PROKR1: variants seen among roughly 807,000 people sequenced by gnomAD.
PROKR1 encodes the protein G protein-coupled receptor 73.
A neutral mutation model predicts 22.8 loss-of-function variants in PROKR1; 21 were observed. That is an observed-to-expected ratio of 0.92 (90% CI 0.65 to 1.32). The LOEUF (loss-of-function observed/expected upper bound fraction) is 1.32. PROKR1 is among the 40% of genes most tolerant of loss of function. The pLI, the probability that PROKR1 is intolerant of heterozygous loss-of-function variation, is 0.00. For missense variants in PROKR1, 548 were observed against 514.2 expected (o/e 1.07, Z -0.64); for synonymous variants, 193 against 207.5 (o/e 0.93, Z 0.60).
chr2:68,652,014 G>C (rs886832579), intron 2 of PROKR1, among the ~76,000 whole-genome samples: 1 of 152,206 alleles, frequency 6.6e-6, no homozygotes, highest in Non-Finnish European at 1.5e-5. Flanking sequence ...GAGAAGGGCT[G>C]CTGGGATGCC....
rs1364910852 is a variant in PROKR1 at position 68,647,966 on chromosome 2, A to T, written c.485+1660A>T. Among the ~76,000 whole-genome samples the T allele has an allele frequency of 2.0e-5, 3 of 152,198 alleles. No individual in the cohort carries two copies. In the East Asian group the frequency reaches 5.8e-4, roughly 29 times the overall value. ...TATCTACTTCGTAGGTTCCTTTCAA[A>T]GCTGCCAAGGAAGAGCTCCAGGGAC... On this transcript the variant is annotated intron_variant, in intron 2 of 2. Coordinates refer to ENST00000303786, the MANE Select transcript of PROKR1 (RefSeq NM_138964.4).
In PROKR1 at chr2:68,646,273, C is replaced by A. The variant is rs1395874673; in HGVS notation, c.452C>A (p.Ser151Tyr). The A allele has an allele frequency of 1.2e-6, 2 of 1,614,124 alleles. No individual in the cohort carries two copies. Among genetic ancestry groups the A allele is most frequent in the Non-Finnish European group, 1.7e-6 (2 of 1,180,056 alleles). The change falls in exon 2 of 3, where the codon TCC (serine) becomes TAC (tyrosine). Residue 151 changes from serine (S) to tyrosine (Y), a missense_variant. Coordinates refer to ENST00000303786, the MANE Select transcript of PROKR1 (RefSeq NM_138964.4). ...CTGCGCACTGTCTCTCTCTATGTCT[C>A]CACCAATGCCCTGCTGGCCATCGCC... ...NYLRTVSLYV[S>Y]TNALLAIAID...
chr2:68,657,252 T>C lies in PROKR1; in HGVS notation c.*1676T>C, dbSNP rs979634607. 5.9e-5 allele frequency: 9 copies of C among 152,206 alleles called. No homozygotes were observed. The highest frequency in any genetic ancestry group is 2.2e-4 in the African/African-American group (9 of 41,438). The allele number at this position is 152,206 out of a possible 1,614,324, so 9.4% of individuals were successfully genotyped here. ...TCAACCACACAAGTTATCAAAAGGA[T>C]GGGCTAGGAACTACGTGTAGTGCGC... On this transcript the variant is annotated 3_prime_UTR_variant, in exon 3 of 3. Coordinates refer to ENST00000303786, the MANE Select transcript of PROKR1 (RefSeq NM_138964.4).
chr2:68,646,006 A>C lies in PROKR1; in HGVS notation c.185A>C (p.Lys62Thr), dbSNP rs749934385. ...VTNSRTFFAAKIVIGMALVGI... is the reference protein window; with the variant it reads ...VTNSRTFFAATIVIGMALVGI... ...AATTCCAGGACGTTCTTTGCTGCCA[A>C]GATTGTCATTGGGATGGCCCTGGTG... The change falls in exon 2 of 3, where the codon AAG (lysine) becomes ACG (threonine). Residue 62 changes from lysine to threonine, a missense_variant. Transcript: ENST00000303786. 2 of 1,614,122 alleles carry C rather than the reference A, an allele frequency of 1.2e-6. No homozygotes were observed. Among genetic ancestry groups the C allele is most frequent in the African/African-American group, 2.7e-5 (2 of 74,932 alleles).
intron 2 of PROKR1, among the ~76,000 whole-genome samples, chr2:68,653,055 G>A (rs1673369080): frequency 1.3e-5 from 2 of 152,334 alleles, no homozygotes; most frequent in South Asian, 4.1e-4. Context: ...TAGACAGACA[G>A]CAATGGAGCC....
At position 68,655,466 on chromosome 2, in the gene PROKR1, T is replaced by C. The variant is rs753200038; in HGVS notation, c.1072T>C (p.Leu358=). ...CGTCAAGTACTTCAAAAAGATCATG[T>C]TGCTCCACTGGAAGGCTTCTTACAA... ...DTVKYFKKIM[L]LHWKASYNGG... is the part of the protein sequence containing the mutation. The change falls in exon 3 of 3, where the codon TTG becomes CTG. Residue 358 remains leucine (L), a synonymous_variant. Coordinates refer to ENST00000303786, the MANE Select transcript of PROKR1 (RefSeq NM_138964.4). 4 of 1,614,140 alleles carry C rather than the reference T, an allele frequency of 2.5e-6. No homozygotes were observed. Among genetic ancestry groups the C allele is most frequent in the Admixed American group, 3.3e-5 (2 of 60,010 alleles).
intron 2 of PROKR1, among the ~76,000 whole-genome samples, chr2:68,653,944 T>C (rs918053137): frequency 6.6e-6 from 1 of 152,130 alleles, no homozygotes; most frequent in Non-Finnish European, 1.5e-5. Context: ...ATCAATCCTG[T>C]GAGGTAGGGT....
chr2:68,649,508 A>C (rs1436254220), intron 2 of PROKR1: 1 of 152,224 alleles, frequency 6.6e-6, no homozygotes, highest in African/African-American at 2.4e-5. Flanking sequence ...TATTGCAAGC[A>C]CTGGAGATAC....
At position 68,655,711 on chromosome 2, in the gene PROKR1, T is replaced by C. The variant is rs1238759930; in HGVS notation, c.*135T>C. The C allele has an allele frequency of 1.2e-6, 1 of 837,120 alleles. No individual in the cohort carries two copies. The highest frequency in any genetic ancestry group is 1.7e-5 in the African/African-American group (1 of 59,008). The allele number at this position is 837,120 out of a possible 1,614,324, so 51.9% of individuals were successfully genotyped here. Reference sequence around the variant, plus strand: ...TAAATGGACCACTCTGTGAGCAATGTTTTCAAGGAGCTCAGAGTTTCTAAA... The same window carrying C: ...TAAATGGACCACTCTGTGAGCAATGCTTTCAAGGAGCTCAGAGTTTCTAAA... On this transcript the variant is annotated 3_prime_UTR_variant, in exon 3 of 3. Coordinates refer to ENST00000303786, the MANE Select transcript of PROKR1 (RefSeq NM_138964.4).
rs1673485851 is a variant in PROKR1 at position 68,657,074 on chromosome 2, C to T, written c.*1498C>T. The T allele has an allele frequency of 6.6e-6, 1 of 152,258 alleles. No homozygotes were observed. The highest frequency in any genetic ancestry group is 6.5e-5 in the Admixed American group (1 of 15,290). 9.4% of individuals were successfully genotyped at this position (152,258 alleles called of 1,614,324 possible). Reference sequence around the variant, plus strand: ...GGAGTTGGAAGATCTGAGAGCCAGACTTGACTCTGTCAACTGTGTAGCCCT... The same window carrying T: ...GGAGTTGGAAGATCTGAGAGCCAGATTTGACTCTGTCAACTGTGTAGCCCT... On this transcript the variant is annotated 3_prime_UTR_variant, in exon 3 of 3. Transcript: ENST00000303786.
intron 2 of PROKR1, among the ~76,000 whole-genome samples, chr2:68,646,608 AAGAGGAGATATC>A (rs1287717556): frequency 6.6e-6 from 1 of 152,214 alleles, no homozygotes; most frequent in Non-Finnish European, 1.5e-5. Context: ...GTAGACAGGT[AAGAGGAGATATC>A]GAGGGAAACT....
At chr2:68,652,827 T>C (rs908623095) in intron 2 of PROKR1, among the ~76,000 whole-genome samples, 17 of 152,188 alleles carry the variant, frequency 1.1e-4, no homozygotes, top group African/African-American at 3.6e-4. Flanking sequence ...ATAGAGCAAC[T>C]TTCTGGCAAA....
At chr2:68,651,467 G>A (rs1164477958) in intron 2 of PROKR1, among the ~76,000 whole-genome samples, 2 of 152,222 alleles carry the variant, frequency 1.3e-5, no homozygotes, top group African/African-American at 2.4e-5. Context: ...ATCCCACAGC[G>A]TGTGGGGGCT....
chr2:68,646,086 C>T lies in PROKR1; in HGVS notation c.265C>T (p.Arg89Cys), dbSNP rs61742478. 4.4e-5 allele frequency: 71 copies of T among 1,613,870 alleles called. No individual in the cohort carries two copies. The highest frequency in any genetic ancestry group is 3.7e-4 in the Admixed American group (22 of 60,002). ...CTTCATCTTTATCGCTGCCCTGGTCCGCTACAAGAAACTGCGCAACCTCAC... is the reference window on the plus strand; with the variant it reads ...CTTCATCTTTATCGCTGCCCTGGTCTGCTACAAGAAACTGCGCAACCTCAC... Reference protein sequence around the residue: ...GNFIFIAALVRYKKLRNLTNL... With the variant: ...GNFIFIAALVCYKKLRNLTNL... The change falls in exon 2 of 3, where the codon CGC becomes TGC. Residue 89 changes from arginine to cysteine, a missense_variant. Coordinates refer to ENST00000303786, the MANE Select transcript of PROKR1 (RefSeq NM_138964.4).
chr2:68,653,266 C>A (rs1303289325), intron 2 of PROKR1, among the ~76,000 whole-genome samples: 2 of 152,120 alleles, frequency 1.3e-5, no homozygotes, highest in Non-Finnish European at 2.9e-5. Context: ...GGATGGCAGT[C>A]GGCCGGGCGT....
At chr2:68,654,818 A>AG in intron 2 of PROKR1, 62 bp from the exon 3 acceptor site, 1 of 1,494,428 alleles carries the variant, frequency 6.7e-7, no homozygotes, top group Non-Finnish European at 9.2e-7. Flanking sequence ...AAAAAAAAAA[A>AG]AAAAAGATTA....
rs866673060 is a variant in PROKR1 at position 68,646,257 on chromosome 2, G to C, written c.436G>C (p.Val146Leu). The C allele has an allele frequency of 1.9e-6, 3 of 1,614,072 alleles. No individual in the cohort carries two copies. Among genetic ancestry groups the C allele is most frequent in the Non-Finnish European group, 1.7e-6 (2 of 1,180,038 alleles). The change falls in exon 2 of 3, where the codon GTC becomes CTC. Residue 146 changes from valine to leucine, a missense_variant. Physicochemically the swap from Val to Leu is conservative, Grantham distance 32 (BLOSUM62 1). Transcript: ENST00000303786. The part of the protein sequence containing the change: ...LCTSVNYLRT[V>L]SLYVSTNALL... ...CACCTCTGTCAACTACCTGCGCACTGTCTCTCTCTATGTCTCCACCAATGC... is the reference window on the plus strand; with the variant it reads ...CACCTCTGTCAACTACCTGCGCACTCTCTCTCTCTATGTCTCCACCAATGC...
At position 68,646,247 on chromosome 2, in the gene PROKR1, C is replaced by A; in HGVS notation, c.426C>A (p.Tyr142Ter). The change falls in exon 2 of 3, where the codon TAC (tyrosine) becomes TAA (stop). Residue 142 changes from tyrosine (Y) to a stop codon, truncating the protein, a stop_gained. Coordinates refer to ENST00000303786, the MANE Select transcript of PROKR1 (RefSeq NM_138964.4). LOFTEE classifies it high-confidence loss of function. ...HGHVLCTSVN[Y>*]LRTVSLYVST... ...ACGTCCTGTGCACCTCTGTCAACTA[C>A]CTGCGCACTGTCTCTCTCTATGTCT... 1 of 1,614,148 alleles carries A rather than the reference C, an allele frequency of 6.2e-7. No homozygotes were observed. Among genetic ancestry groups the A allele is most frequent in the Non-Finnish European group, 8.5e-7 (1 of 1,179,990 alleles).
chr2:68,645,916 C>G lies in PROKR1; in HGVS notation c.95C>G (p.Ser32Cys). The G allele has an allele frequency of 6.2e-7, 1 of 1,614,228 alleles. No individual in the cohort carries two copies. The highest frequency in any genetic ancestry group is 8.5e-7 in the Non-Finnish European group (1 of 1,180,036). The change falls in exon 2 of 3, where the codon TCC (serine) becomes TGC (cysteine). Residue 32 changes from serine to cysteine, a missense_variant. Coordinates refer to ENST00000303786, the MANE Select transcript of PROKR1 (RefSeq NM_138964.4). ...VLNPHGAHATSFPFNFSYSDY... is the reference protein window; with the variant it reads ...VLNPHGAHATCFPFNFSYSDY... Reference sequence around the variant, plus strand: ...AACCCTCATGGAGCCCATGCCACTTCCTTCCCATTCAACTTCAGCTACAGC... The same window carrying G: ...AACCCTCATGGAGCCCATGCCACTTGCTTCCCATTCAACTTCAGCTACAGC...
Sources: gnomAD v4.1 joint callset for allele counts (sites outside exome capture counted in the v4.1 genomes callset) on GRCh38, gnomAD v4.1.1 for gene constraint, MANE v1.5 for transcripts, NCBI Gene and HGNC (gene_info 2026-07-23, HGNC 2026-07-21) for gene names.